Variants in GALNTL6 observed in about 807,000 individuals in gnomAD.
GALNTL6 encodes polypeptide N-acetylgalactosaminyltransferase like 6.
A neutral mutation model predicts 73.7 loss-of-function variants in GALNTL6; 46 were observed. That is an observed-to-expected ratio of 0.62 (90% CI 0.49 to 0.80). The LOEUF is 0.80. Ranked by LOEUF, GALNTL6 falls within the 30% of genes least tolerant of loss-of-function variation. The pLI is 0.00. For synonymous variants in GALNTL6, 259 were observed against 263.7 expected, an observed-to-expected ratio of 0.98 and a Z score of 0.17; for missense variants, 604 against 755.0, an observed-to-expected ratio of 0.80 and a Z score of 2.34.
chr4:172,316,733 G>T (rs994645407), intron 4 of GALNTL6, among the ~76,000 whole-genome samples: 2 of 152,142 alleles, frequency 1.3e-5, no homozygotes, highest in Non-Finnish European at 2.9e-5. Context: ...CTTTATTATT[G>T]TTGCAATTCT....
At chr4:172,727,488 G>A (rs1275346188) in intron 5 of GALNTL6, among the ~76,000 whole-genome samples, 1 of 152,124 alleles carries the variant, frequency 6.6e-6, no homozygotes, top group Admixed American at 6.6e-5. Flanking sequence ...TAATAAATTA[G>A]CCAAACAAAT....
At chr4:172,230,791 T>G (rs17058179) in intron 3 of GALNTL6, among the ~76,000 whole-genome samples, 2 of 151,872 alleles carry the variant, frequency 1.3e-5, no homozygotes, top group South Asian at 4.2e-4. Context: ...TACAGTTTGG[T>G]AAAGACATCT....
intron 2 of GALNTL6, among the ~76,000 whole-genome samples, chr4:171,932,466 TG>T (rs1738218275): frequency 6.6e-6 from 1 of 152,166 alleles, no homozygotes; most frequent in Non-Finnish European, 1.5e-5. Context: ...TGGAAGCCAG[TG>T]GGCCCGCCAA....
chr4:172,675,545 T>C (rs1001224138), intron 5 of GALNTL6, among the ~76,000 whole-genome samples: 1 of 152,168 alleles, frequency 6.6e-6, no homozygotes, highest in African/African-American at 2.4e-5. Context: ...TCTGGGTGCC[T>C]TCTCCATGCC....
intron 3 of GALNTL6, among the ~76,000 whole-genome samples, chr4:172,298,320 C>T (rs1295164086): frequency 6.6e-6 from 1 of 152,168 alleles, no homozygotes; most frequent in Non-Finnish European, 1.5e-5. Context: ...TCGACTTCCT[C>T]TTTTCCTAAT....
At chr4:172,603,402 C>T (rs1376839024) in intron 5 of GALNTL6, among the ~76,000 whole-genome samples, 1 of 152,144 alleles carries the variant, frequency 6.6e-6, no homozygotes, top group Non-Finnish European at 1.5e-5. Flanking sequence ...CACAGGCAGG[C>T]CATTTTACCA....
intron 3 of GALNTL6, among the ~76,000 whole-genome samples, chr4:172,264,134 G>A (rs1470810278): frequency 1.3e-5 from 2 of 151,368 alleles, no homozygotes; most frequent in Non-Finnish European, 3.0e-5. Flanking sequence ...AGAAGGCCTG[G>A]GAATGTGAAT....
intron 5 of GALNTL6, among the ~76,000 whole-genome samples, chr4:172,639,963 T>C (rs1579275437): frequency 6.6e-6 from 1 of 152,118 alleles, no homozygotes; most frequent in African/African-American, 2.4e-5. Context: ...CCTGTCTTTT[T>C]TAAAAAAAAT....
intron 5 of GALNTL6, among the ~76,000 whole-genome samples, chr4:172,409,250 A>G (rs1259036991): frequency 2.6e-5 from 4 of 152,054 alleles, no homozygotes; most frequent in African/African-American, 4.8e-5. Flanking sequence ...AGATATTCCA[A>G]TTAACCAGCA....
At chr4:172,489,350 T>C (rs1733815485) in intron 5 of GALNTL6, among the ~76,000 whole-genome samples, 1 of 152,178 alleles carries the variant, frequency 6.6e-6, no homozygotes, top group Non-Finnish European at 1.5e-5. Context: ...ATAATAGTTT[T>C]CAAGGAAAAA....
chr4:172,229,021 G>T (rs1319179681), intron 2 of GALNTL6, among the ~76,000 whole-genome samples: 1 of 152,148 alleles, frequency 6.6e-6, no homozygotes, highest in African/African-American at 2.4e-5. Flanking sequence ...GTTTTTAAGA[G>T]CACAGTTTTG....
intron 10 of GALNTL6, among the ~76,000 whole-genome samples, chr4:172,963,274 C>T (rs1750168274): frequency 6.6e-6 from 1 of 152,184 alleles, no homozygotes; most frequent in Admixed American, 6.5e-5. Context: ...AATTCATCTT[C>T]TCAGTAAGGT....
rs190126639 is a variant in GALNTL6 at position 172,700,017 on chromosome 4, G to A, written c.554-109344G>A. ...TTACAAATGATACCAAGAAACTTCC[G>A]TCAATGACCTATGCATAAGGATTTA... On this transcript the variant is annotated intron_variant, in intron 5 of 12. Transcript: ENST00000506823. 6.6e-4 allele frequency among the ~76,000 whole-genome samples: 101 copies of A among 152,122 alleles called. 1 individual carries two copies. In the South Asian group the frequency reaches 0.016, roughly 24 times the overall value.
intron 5 of GALNTL6, among the ~76,000 whole-genome samples, chr4:172,626,437 G>T (rs903432899): frequency 3.9e-5 from 6 of 152,024 alleles, no homozygotes; most frequent in African/African-American, 1.4e-4. Flanking sequence ...TGGAAGTCTG[G>T]TAACATGATG....
intron 7 of GALNTL6, among the ~76,000 whole-genome samples, chr4:172,845,336 C>A (rs1257564413): frequency 1.3e-5 from 2 of 152,106 alleles, no homozygotes; most frequent in East Asian, 3.9e-4. Flanking sequence ...AGACATTAAT[C>A]CAATAGATCT....
chr4:171,871,444 T>A (rs1022387372), intron 2 of GALNTL6, among the ~76,000 whole-genome samples: 2 of 152,264 alleles, frequency 1.3e-5, no homozygotes, highest in Non-Finnish European at 2.9e-5. Context: ...ACTGTTATAA[T>A]AGAAACAATA....
intron 10 of GALNTL6, among the ~76,000 whole-genome samples, chr4:172,985,213 T>A (rs905103358): frequency 1.3e-5 from 2 of 151,930 alleles, no homozygotes; most frequent in African/African-American, 4.8e-5. Flanking sequence ...AATATAGCAA[T>A]CTCCCAGTTG....
At chr4:171,905,967 C>A (rs547841972) in intron 2 of GALNTL6, among the ~76,000 whole-genome samples, 4 of 151,020 alleles carry the variant, frequency 2.6e-5, no homozygotes, top group Admixed American at 6.6e-5. Context: ...CACAACATAC[C>A]AGAATCTCTG....
At chr4:172,627,025 A>G (rs113413652) in intron 5 of GALNTL6, among the ~76,000 whole-genome samples, 32 of 152,156 alleles carry the variant, frequency 2.1e-4, no homozygotes, top group African/African-American at 7.5e-4. Context: ...AGGACTTTCA[A>G]TGCTATCTTG....
Sources: allele counts gnomAD v4.1 joint callset (sites outside exome capture counted in the v4.1 genomes callset), GRCh38; gene constraint gnomAD v4.1.1; transcripts MANE v1.5; gene names NCBI Gene and HGNC (gene_info 2026-07-23, HGNC 2026-07-21).